The following ADHFE1 variants were observed in gnomAD, a reference collection of about 807,000 sequenced individuals.
ADHFE1 encodes the protein hydroxyacid-oxoacid transhydrogenase, mitochondrial.
A neutral mutation model predicts 54.8 loss-of-function variants in ADHFE1; 37 were observed. That is an observed-to-expected ratio of 0.68 (90% CI 0.52 to 0.89). ADHFE1 has a LOEUF of 0.89. Among genes scored for constraint, ADHFE1 ranks in the 40% least tolerant of loss-of-function variants. The pLI is 0.00. For synonymous variants in ADHFE1, 203 were observed against 229.3 expected (o/e 0.89, Z 1.04); for missense variants, 601 against 591.2 (o/e 1.02, Z -0.17).
chr8:66,444,891 AG>A, intron 5 of ADHFE1, 143 bp downstream of exon 5: 1 of 996,426 alleles, frequency 1.0e-6, no homozygotes, highest in Non-Finnish European at 1.5e-6. Flanking sequence ...GCTTGAGGTC[AG>A]GAGTTCGAGA....
chr8:66,456,671 A>G, intron 10 of ADHFE1, 146 bp from the exon 11 acceptor site: 1 of 585,130 alleles, frequency 1.7e-6, no homozygotes, highest in Non-Finnish European at 3.0e-6. Context: ...ATATATCCTT[A>G]TATCCAAGAA....
rs894618296 is a variant in ADHFE1 at position 66,468,156 on chromosome 8, A to G, written c.1321-113A>G. On this transcript the variant is annotated intron_variant, in intron 13 of 13. Coordinates refer to ENST00000396623, the MANE Select transcript of ADHFE1 (RefSeq NM_144650.3). ...TACAAGAAATACCGTTTTTAAAGAT[A>G]TGGCGTTTATCAAGTCATTGATTCT... is the stretch of plus-strand genomic sequence containing the variant. 36 of 711,254 alleles carry G rather than the reference A, an allele frequency of 5.1e-5. 2 individuals carry two copies. In the Admixed American group the frequency reaches 5.3e-4, roughly 11 times the overall value. 44.1% of individuals were successfully genotyped at this position (711,254 alleles called of 1,614,324 possible). A position where few individuals can be genotyped will look rare whatever the true frequency, so the allele number is the denominator to read the frequency against.
Position 66,447,349 on chromosome 8 carries a change from C to A in ADHFE1, c.628+8C>A. ...ACTTGAAAGTAAAAATTGGTAAGAA[C>A]CATACTTTTGAATTATCTCCCTTAC... On this transcript the variant is annotated splice_region_variant and intron_variant, in intron 7 of 13. Coordinates refer to ENST00000396623, the MANE Select transcript of ADHFE1 (RefSeq NM_144650.3). 6.2e-7 allele frequency: 1 copy of A among 1,604,318 alleles called. No individual in the cohort carries two copies. The highest frequency in any genetic ancestry group is 8.5e-7 in the Non-Finnish European group (1 of 1,171,804).
intron 13 of ADHFE1, among the ~76,000 whole-genome samples, chr8:66,466,987 G>A (rs981440177): frequency 2.6e-5 from 4 of 151,912 alleles, no homozygotes; most frequent in African/African-American, 4.8e-5. Flanking sequence ...ATTTATCTGC[G>A]AGCATTAAAC....
rs1246424748 is a variant in ADHFE1 at position 66,448,379 on chromosome 8, T to C, written c.629-486T>C. ...ACCTAATATTCTCTCATTTGATCCC[T>C]ACAACAGCTCAATGAGAGCTGGAGG... On this transcript the variant is annotated intron_variant, in intron 7 of 13. Coordinates refer to ENST00000396623, the MANE Select transcript of ADHFE1 (RefSeq NM_144650.3). Among the ~76,000 whole-genome samples, 6 of 152,336 alleles carry C rather than the reference T, an allele frequency of 3.9e-5. No individual in the cohort carries two copies. In the East Asian group the frequency reaches 5.8e-4, roughly 15 times the overall value.
At chr8:66,436,344 G>A (rs1042742429) in intron 1 of ADHFE1, among the ~76,000 whole-genome samples, 2 of 152,210 alleles carry the variant, frequency 1.3e-5, no homozygotes, top group African/African-American at 4.8e-5. Context: ...GAAGGTAATG[G>A]TTGCGGAAAG....
chr8:66,453,628 G>A (rs1806419025), intron 9 of ADHFE1: 2 of 1,229,648 alleles, frequency 1.6e-6, no homozygotes, highest in South Asian at 2.4e-5. Context: ...AGTGGGTCCA[G>A]TGGGAGGCAG....
rs775663010 is a variant in ADHFE1 at position 66,454,120 on chromosome 8, G to A, written c.949G>A (p.Ala317Thr). ...TCATATGCACTTGGCAAGTGCTTTT[G>A]CTGGCATCGGCTTTGGAAATGCTGG... ...RSHMHLASAF[A>T]GIGFGNAGVH... The change falls in exon 10 of 14, where the codon GCT (alanine) becomes ACT (threonine). Residue 317 changes from alanine (A) to threonine (T), a missense_variant. By Grantham distance (58) the Ala-to-Thr change is moderately conservative. Transcript: ENST00000396623. 16 of 1,614,148 alleles carry A rather than the reference G, an allele frequency of 9.9e-6. No homozygotes were observed. In the Admixed American group the frequency reaches 2.7e-4, roughly 27 times the overall value.
intron 5 of ADHFE1, 32 bp downstream of exon 5, chr8:66,444,780 C>T: frequency 6.2e-7 from 1 of 1,611,988 alleles, no homozygotes; most frequent in Non-Finnish European, 8.5e-7. Context: ...TGTTTCTTTA[C>T]TTTAAGCAGA....
rs1436359743 is a variant in ADHFE1, at chr8:66,468,244, T to A, written c.1321-25T>A. ...CAAACTGCCTTTTCAAAGCCCTGGG[T>A]AACTTCTTTCATTTACTGTTTCAGG... On this transcript the variant is annotated intron_variant, in intron 13 of 13. Transcript: ENST00000396623. The A allele has an allele frequency of 6.9e-6, 11 of 1,588,966 alleles. No individual in the cohort carries two copies. The Admixed American group carries it at 2.0e-4, about 28-fold the overall frequency.
chr8:66,437,425 G>C (rs1272404549), intron 1 of ADHFE1, among the ~76,000 whole-genome samples: 1 of 151,966 alleles, frequency 6.6e-6, no homozygotes, highest in African/African-American at 2.4e-5. Flanking sequence ...AGAGCCAGGA[G>C]GGCAGGTAGA....
Position 66,457,051 on chromosome 8 carries a change from G to T in ADHFE1, c.1066-19G>T. 1 of 1,606,786 alleles carries T rather than the reference G, an allele frequency of 6.2e-7. No individual in the cohort carries two copies. The highest frequency in any genetic ancestry group is 8.5e-7 in the Non-Finnish European group (1 of 1,175,386). On this transcript the variant is annotated intron_variant, in intron 11 of 13. Coordinates refer to ENST00000396623, the MANE Select transcript of ADHFE1 (RefSeq NM_144650.3). ...ACAGCTTTGTCATCTGCCGGTCACC[G>T]CATTTCGTTTCTCCCCAGCCCCATG...
chr8:66,456,761 G>A, intron 10 of ADHFE1, 56 bp from the exon 11 acceptor site: 1 of 1,362,516 alleles, frequency 7.3e-7, no homozygotes, highest in South Asian at 1.2e-5. Flanking sequence ...TCTTTCTATT[G>A]TTGACTTGAA....
chr8:66,459,430 A>ATATTT (rs1191407388), intron 12 of ADHFE1: 12 of 126,768 alleles, frequency 9.5e-5, no homozygotes, highest in African/African-American at 3.6e-4. Flanking sequence ...ATATATATAT[A>ATATTT]TTTTTTTTTT....
chr8:66,465,482 C>A (rs1366774047), intron 13 of ADHFE1, among the ~76,000 whole-genome samples: 1 of 152,096 alleles, frequency 6.6e-6, no homozygotes, highest in Non-Finnish European at 1.5e-5. Flanking sequence ...TGGTGAGCAT[C>A]TTTTCATGTG....
chr8:66,461,416 T>G (rs570879177), intron 13 of ADHFE1, among the ~76,000 whole-genome samples: 5 of 152,150 alleles, frequency 3.3e-5, no homozygotes, highest in African/African-American at 9.6e-5. Flanking sequence ...TGCTGGTGCT[T>G]TTCCCTCACC....
In ADHFE1 at chr8:66,454,107, G is replaced by C; in HGVS notation, c.936G>C (p.Leu312Phe). The C allele has an allele frequency of 1.2e-6, 2 of 1,614,108 alleles. No individual in the cohort carries two copies. The highest frequency in any genetic ancestry group is 2.2e-5 in the South Asian group (2 of 91,072). ...DDLEARSHMH[L>F]ASAFAGIGFG... The stretch of plus-strand genomic sequence containing the variant: ...TTGAAGCAAGGTCTCATATGCACTT[G>C]GCAAGTGCTTTTGCTGGCATCGGCT... The change falls in exon 10 of 14, where the codon TTG becomes TTC. Residue 312 changes from leucine (L) to phenylalanine (F), a missense_variant. Physicochemically the swap from Leu to Phe is conservative, Grantham distance 22. Coordinates refer to ENST00000396623, the MANE Select transcript of ADHFE1 (RefSeq NM_144650.3).
intron 2 of ADHFE1, among the ~76,000 whole-genome samples, chr8:66,441,842 C>T (rs1240758872): frequency 6.6e-6 from 1 of 151,810 alleles, no homozygotes; most frequent in Non-Finnish European, 1.5e-5. Flanking sequence ...CATGGTGGTA[C>T]ACGCCTGTAG....
At chr8:66,460,630 G>A (rs1806851189) in intron 13 of ADHFE1, among the ~76,000 whole-genome samples, 165 bp downstream of exon 13, 1 of 152,166 alleles carries the variant, frequency 6.6e-6, no homozygotes, top group Admixed American at 6.5e-5. Flanking sequence ...GGTGCAACAG[G>A]GCCAGGCCCT....
Sources: allele counts gnomAD v4.1 joint callset (sites outside exome capture counted in the v4.1 genomes callset), GRCh38; gene constraint gnomAD v4.1.1; transcripts MANE v1.5; gene names NCBI Gene and HGNC (gene_info 2026-07-23, HGNC 2026-07-21).